TMX4: variants seen among roughly 807,000 people sequenced by gnomAD.
TMX4 encodes thioredoxin related transmembrane protein 4.
A neutral mutation model predicts 33.3 loss-of-function variants in TMX4; 23 were observed. The ratio of observed to expected loss-of-function variants is 0.69; its 90% CI spans 0.50 to 0.98. The LOEUF is 0.98. TMX4 is among the 50% of genes least tolerant of loss of function. The pLI is 0.00. For missense variants in TMX4, 399 were observed against 448.9 expected (o/e 0.89, Z 1.01); for synonymous variants, 164 against 161.5 (o/e 1.02, Z -0.12).
chr20:8,019,267 G>A (rs1244251874), intron 1 of TMX4, 171 bp downstream of exon 1: 1 of 767,876 alleles, frequency 1.3e-6, no homozygotes, highest in African/African-American at 1.9e-5. Flanking sequence ...CCCAGCGGCA[G>A]TGCAGGATCG....
chr20:8,002,789 C>T (rs960894438), intron 2 of TMX4, among the ~76,000 whole-genome samples: 3 of 152,072 alleles, frequency 2.0e-5, no homozygotes, highest in African/African-American at 4.8e-5. Flanking sequence ...ACAAATGATG[C>T]GTCTTCTCAA....
chr20:7,996,208 T>C (rs2050675711), intron 4 of TMX4, 137 bp from the exon 5 acceptor site: 1 of 638,748 alleles, frequency 1.6e-6, no homozygotes, highest in Non-Finnish European at 2.7e-6. Flanking sequence ...ATATCTGTTC[T>C]TACAGAGCTT....
At chr20:7,993,819 G>A (rs1044009413) in intron 5 of TMX4, among the ~76,000 whole-genome samples, 1 of 151,616 alleles carries the variant, frequency 6.6e-6, no homozygotes, top group Admixed American at 6.6e-5. Flanking sequence ...AAATAACACT[G>A]TATCATTTGC....
intron 4 of TMX4, 107 bp downstream of exon 4, chr20:7,999,624 AT>A (rs2050694171): frequency 1.6e-6 from 2 of 1,264,474 alleles, no homozygotes; most frequent in Admixed American, 5.5e-5. Flanking sequence ...AATCTGGGTA[AT>A]TGGAAGTAAA....
At chr20:7,985,491 T>C (rs1275620522) in intron 6 of TMX4, among the ~76,000 whole-genome samples, 1 of 151,916 alleles carries the variant, frequency 6.6e-6, no homozygotes, top group African/African-American at 2.4e-5. Flanking sequence ...AAGGCTGGTC[T>C]CAAACTCCTG....
At chr20:7,998,540 T>C (rs2050687194) in intron 4 of TMX4, among the ~76,000 whole-genome samples, 1 of 152,130 alleles carries the variant, frequency 6.6e-6, no homozygotes, top group Non-Finnish European at 1.5e-5. Context: ...TCTCCTTGTG[T>C]GTGCTGATCA....
intron 1 of TMX4, among the ~76,000 whole-genome samples, chr20:8,011,351 G>A (rs2050752265): frequency 1.3e-5 from 2 of 151,922 alleles, no homozygotes; most frequent in Admixed American, 6.6e-5. Flanking sequence ...AACAAAGTAA[G>A]GGGAAAAGTA....
At chr20:8,002,363 A>G (rs988394329) in intron 2 of TMX4, among the ~76,000 whole-genome samples, 1 of 152,206 alleles carries the variant, frequency 6.6e-6, no homozygotes, top group African/African-American at 2.4e-5. Flanking sequence ...AACTTATTCA[A>G]ATAATCACAA....
In TMX4 at chr20:8,010,325, A is replaced by G. The variant is rs1016527960; in HGVS notation, c.177-10T>C. The G allele has an allele frequency of 3.2e-6, 5 of 1,569,498 alleles. No individual in the cohort carries two copies. In the African/African-American group the frequency reaches 6.8e-5, roughly 21 times the overall value. Reference sequence around the variant, plus strand: ...ACACCATGGGGCGTAACTATAAGAGAAGAATAAGAATTATATTGATAAATA... The same window carrying G: ...ACACCATGGGGCGTAACTATAAGAGGAGAATAAGAATTATATTGATAAATA... On this transcript the variant is annotated splice_polypyrimidine_tract_variant and intron_variant, in intron 1 of 7. Coordinates refer to ENST00000246024, the MANE Select transcript of TMX4 (RefSeq NM_021156.4).
chr20:8,002,517 T>A (rs1233636821), intron 2 of TMX4, among the ~76,000 whole-genome samples: 1 of 152,000 alleles, frequency 6.6e-6, no homozygotes, highest in Non-Finnish European at 1.5e-5. Flanking sequence ...CAAGAATAAG[T>A]AAAGAGAATG....
chr20:8,009,861 T>TAAAAAAAAAAAA (rs11289988), intron 2 of TMX4, among the ~76,000 whole-genome samples: 1 of 84,604 alleles, frequency 1.2e-5, no homozygotes, highest in African/African-American at 3.4e-5. Flanking sequence ...CAAAAAACTG[T>TAAAAAAAAAAAA]AAAAAAAAAA....
chr20:7,987,458 C>T, intron 5 of TMX4, 69 bp from the exon 6 acceptor site: 2 of 1,139,278 alleles, frequency 1.8e-6, no homozygotes, highest in Non-Finnish European at 2.4e-6. Flanking sequence ...ATCTCTCTCT[C>T]TAGCTGTTGT....
chr20:7,995,158 C>A (rs533151391), intron 5 of TMX4, among the ~76,000 whole-genome samples: 6 of 152,018 alleles, frequency 3.9e-5, no homozygotes, highest in Non-Finnish European at 5.9e-5. Flanking sequence ...GTATGAGAAA[C>A]AGAAAAAGAG....
At position 8,019,700 on chromosome 20, in the gene TMX4, A is replaced by C. The variant is rs533471373; in HGVS notation, c.-87T>G. On this transcript the variant is annotated 5_prime_UTR_variant, in exon 1 of 8. Coordinates refer to ENST00000246024, the MANE Select transcript of TMX4 (RefSeq NM_021156.4). ...GCCTCGCTCGCCCGCCGGGTTTTTC[A>C]AGGAAGCGGGAGACGCAAGGGCCAC... 955 of 1,195,486 alleles carry C rather than the reference A, an allele frequency of 8.0e-4. 2 individuals carry two copies. The highest frequency in any genetic ancestry group is 6.8e-4 in the Non-Finnish European group (641 of 943,188). The allele number at this position is 1,195,486 out of a possible 1,614,324, so 74.1% of individuals were successfully genotyped here.
At chr20:8,013,276 T>C (rs1215706940) in intron 1 of TMX4, among the ~76,000 whole-genome samples, 1 of 152,194 alleles carries the variant, frequency 6.6e-6, no homozygotes, top group East Asian at 1.9e-4. Context: ...ATAAAAGATA[T>C]GACCTGCCAT....
chr20:8,018,364 G>GTCTC (rs2050786709), intron 1 of TMX4, among the ~76,000 whole-genome samples: 1 of 82,054 alleles, frequency 1.2e-5, no homozygotes, highest in African/African-American at 5.5e-5. Flanking sequence ...GAGAGAGAGA[G>GTCTC]AGAGGAGAGA....
chr20:7,996,653 A>G (rs1468731599), intron 4 of TMX4, among the ~76,000 whole-genome samples: 3 of 151,904 alleles, frequency 2.0e-5, no homozygotes. Context: ...TCACAGTCCA[A>G]TTCCTCCACT....
At position 7,982,524 on chromosome 20, in the gene TMX4, G is replaced by A. The variant is rs764718811; in HGVS notation, c.777C>T (p.Ser259=). 7.4e-6 allele frequency: 12 copies of A among 1,613,228 alleles called. No individual in the cohort carries two copies. The highest frequency in any genetic ancestry group is 1.0e-5 in the Non-Finnish European group (12 of 1,179,506). ...CTTTCTCTTCTTCATCATCTACAAG[G>A]CTGTCTTTGTTTTCTTCTTCATTTG... The part of the protein sequence containing the change: ...DDSNEEENKD[S]LVDDEEEKED... Residue 259 remains serine, a synonymous_variant, in exon 8 of 8, where the codon AGC becomes AGT. Transcript: ENST00000246024.
chr20:8,017,266 C>A (rs1294564708), intron 1 of TMX4, among the ~76,000 whole-genome samples: 1 of 152,118 alleles, frequency 6.6e-6, no homozygotes, highest in East Asian at 1.9e-4. Flanking sequence ...GACAGCCTTG[C>A]TTCCTAGCCA....
Sources: allele counts gnomAD v4.1 joint callset (sites outside exome capture counted in the v4.1 genomes callset), GRCh38; gene constraint gnomAD v4.1.1; transcripts MANE v1.5; gene names NCBI Gene and HGNC (gene_info 2026-07-23, HGNC 2026-07-21).